Variants in PCDHA1 observed in about 807,000 individuals in gnomAD.
PCDHA1 encodes protocadherin alpha-1.
Under a neutral mutation model 61.3 loss-of-function variants are expected in PCDHA1, and 42 were observed. The observed-to-expected ratio is 0.69, with a 90% CI of 0.54 to 0.89. The LOEUF (loss-of-function observed/expected upper bound fraction) is 0.89, where lower values mean the gene tolerates loss of function less well. Ranked by LOEUF, PCDHA1 falls within the 40% of genes least tolerant of loss-of-function variation. PCDHA1 has a pLI of 0.00. For synonymous variants in PCDHA1, 610 were observed against 553.8 expected, an observed-to-expected ratio of 1.10 and a Z score of -1.43; for missense variants, 1,256 against 1,235.3, an observed-to-expected ratio of 1.02 and a Z score of -0.25.
chr5:140,940,361 A>T (rs1396183629), intron 1 of PCDHA1, among the ~76,000 whole-genome samples: 1 of 152,210 alleles, frequency 6.6e-6, no homozygotes, highest in Non-Finnish European at 1.5e-5. Flanking sequence ...TGCTATTAAA[A>T]GTATTCCTTG....
intron 1 of PCDHA1, chr5:140,870,392 G>A (rs1330154432): frequency 1.9e-6 from 3 of 1,614,136 alleles, no homozygotes; most frequent in South Asian, 2.2e-5. Context: ...CGGGATGGGG[G>A]TTCGCCTTCT....
chr5:140,826,631 CTT>C (rs1471509298), intron 1 of PCDHA1, among the ~76,000 whole-genome samples: 3 of 152,132 alleles, frequency 2.0e-5, no homozygotes, highest in Non-Finnish European at 4.4e-5. Context: ...TTGGCCCTGA[CTT>C]TTATATGAAG....
Position 141,010,042 on chromosome 5 carries a change from T to C in PCDHA1, c.*105T>C. 6.3e-7 allele frequency: 1 copy of C among 1,594,374 alleles called. No homozygotes were observed. The highest frequency in any genetic ancestry group is 8.5e-7 in the Non-Finnish European group (1 of 1,171,086). ...TTTTTCCTATCTACATGAGCCCTCT[T>C]AGAGACCTCAGAAATCTGCAGAAAG... On this transcript the variant is annotated 3_prime_UTR_variant, in exon 4 of 4. Transcript: ENST00000504120.
intron 1 of PCDHA1, among the ~76,000 whole-genome samples, chr5:140,923,882 G>A (rs1261780966): frequency 6.6e-6 from 1 of 152,192 alleles, no homozygotes; most frequent in Non-Finnish European, 1.5e-5. Context: ...AGAAGCGTGT[G>A]AAAGAGGAGG....
chr5:140,856,340 A>G (rs1554148561), intron 1 of PCDHA1: 1 of 1,598,438 alleles, frequency 6.3e-7, no homozygotes, highest in Non-Finnish European at 8.6e-7. Flanking sequence ...GTGCGGGCGG[A>G]GCGTGGAGTG....
chr5:141,000,279 G>A (rs528257063), intron 3 of PCDHA1, among the ~76,000 whole-genome samples: 60 of 151,092 alleles, frequency 4.0e-4, no homozygotes, highest in Middle Eastern at 3.4e-3. Context: ...GGAGGCAGAG[G>A]TGGGAATATT....
intron 3 of PCDHA1, among the ~76,000 whole-genome samples, chr5:140,998,872 T>C (rs1159101161): frequency 6.6e-6 from 1 of 152,202 alleles, no homozygotes; most frequent in African/African-American, 2.4e-5. Flanking sequence ...TTGTAAATAA[T>C]AAGTTTAGTT....
chr5:140,877,076 T>G, intron 1 of PCDHA1: 1 of 1,613,022 alleles, frequency 6.2e-7, no homozygotes, highest in Non-Finnish European at 8.5e-7. Context: ...CAGTTCCAGG[T>G]GAGCGCGCGC....
intron 1 of PCDHA1, chr5:140,834,281 C>T (rs1772882234): frequency 2.7e-6 from 3 of 1,125,172 alleles, no homozygotes; most frequent in South Asian, 1.5e-5. Flanking sequence ...TCTTTGGATG[C>T]ACAACAATGG....
At chr5:141,005,558 C>T (rs367751568) in intron 3 of PCDHA1, among the ~76,000 whole-genome samples, 1 of 151,122 alleles carries the variant, frequency 6.6e-6, no homozygotes, top group Non-Finnish European at 1.5e-5. Context: ...AAAAATTAGC[C>T]GGGCATGGTG....
At chr5:140,914,973 G>A (rs1166162661) in intron 1 of PCDHA1, among the ~76,000 whole-genome samples, 2 of 140,450 alleles carry the variant, frequency 1.4e-5, no homozygotes, top group Non-Finnish European at 3.0e-5. Context: ...CTGAGTCAGA[G>A]TCTTGCTCTG....
chr5:140,988,387 T>G (rs1337322360), intron 3 of PCDHA1, among the ~76,000 whole-genome samples: 1 of 152,202 alleles, frequency 6.6e-6, no homozygotes, highest in Non-Finnish European at 1.5e-5. Flanking sequence ...CTCATTGTGT[T>G]TGCCAGAGTT....
At chr5:140,858,042 T>C in intron 1 of PCDHA1, 1 of 1,597,284 alleles carries the variant, frequency 6.3e-7, no homozygotes, top group Non-Finnish European at 8.6e-7. Context: ...GCCACTGTGC[T>C]TGTGTCGCTT....
intron 1 of PCDHA1, chr5:140,869,225 A>G (rs2050944514): frequency 6.2e-7 from 1 of 1,613,790 alleles, no homozygotes; most frequent in African/African-American, 1.3e-5. Flanking sequence ...GAGGCCAAAC[A>G]CGGCACCTTC....
At chr5:140,976,518 A>G (rs2096720750) in intron 1 of PCDHA1, among the ~76,000 whole-genome samples, 1 of 152,070 alleles carries the variant, frequency 6.6e-6, no homozygotes, top group Admixed American at 6.6e-5. Flanking sequence ...GCCACTGCAC[A>G]CCAGCCTAAA....
At chr5:141,001,452 A>G (rs2098018922) in intron 3 of PCDHA1, among the ~76,000 whole-genome samples, 1 of 152,196 alleles carries the variant, frequency 6.6e-6, no homozygotes, top group Admixed American at 6.5e-5. Context: ...TCCACTGTCA[A>G]TTGAAGGACT....
At chr5:140,810,850 A>G (rs1175941230) in intron 1 of PCDHA1, 4 of 151,950 alleles carry the variant, frequency 2.6e-5, no homozygotes, top group Non-Finnish European at 4.4e-5. Flanking sequence ...TTTTGATTAA[A>G]CTCAATTTAT....
chr5:140,885,480 A>G (rs782437070), intron 1 of PCDHA1, among the ~76,000 whole-genome samples: 7 of 152,158 alleles, frequency 4.6e-5, no homozygotes, highest in Non-Finnish European at 7.4e-5. Context: ...ACTTTGTGTC[A>G]AGTGTTCTGT....
In PCDHA1 at chr5:140,788,314, C is replaced by T. The variant is rs782171982; in HGVS notation, c.2024C>T (p.Ala675Val). 3.1e-6 allele frequency: 5 copies of T among 1,613,830 alleles called. No homozygotes were observed. Among genetic ancestry groups the T allele is most frequent in the Non-Finnish European group, 4.2e-6 (5 of 1,179,942 alleles). Reference protein sequence around the residue: ...VLVSLVESGQAPKASSRASVG... With the variant: ...VLVSLVESGQVPKASSRASVG... ...GTATCTCTGGTGGAGAGCGGCCAGG[C>T]GCCAAAGGCGTCTTCGCGGGCGTCG... Residue 675 changes from alanine (A) to valine (V), a missense_variant, in exon 1 of 4, where the codon GCG becomes GTG. Physicochemically the swap from Ala to Val is moderately conservative, Grantham distance 64 (BLOSUM62 0). Coordinates refer to ENST00000504120, the MANE Select transcript of PCDHA1 (RefSeq NM_018900.4).
Sources: gnomAD v4.1 joint callset for allele counts (sites outside exome capture counted in the v4.1 genomes callset) on GRCh38, gnomAD v4.1.1 for gene constraint, MANE v1.5 for transcripts, NCBI Gene and HGNC (gene_info 2026-07-23, HGNC 2026-07-21) for gene names.